Variants in NCKAP1 observed in about 807,000 individuals in gnomAD.
NCKAP1 encodes NCK associated protein 1, also known as nck-associated protein 1.
NCKAP1 carries 21 observed loss-of-function variants against 151.2 expected under a neutral mutation model. The observed-to-expected ratio is 0.14, with a 90% CI of 0.10 to 0.20. The LOEUF is 0.20. Ranked by LOEUF, NCKAP1 falls within the 10% of genes least tolerant of loss-of-function variation. NCKAP1 has a pLI of 1.00. For synonymous variants in NCKAP1, 484 were observed against 451.8 expected, an observed-to-expected ratio of 1.07 and a Z score of -0.90; for missense variants, 933 against 1,352.1, an observed-to-expected ratio of 0.69 and a Z score of 4.86.
intron 19 of NCKAP1, 54 bp from the exon 20 acceptor site, chr2:182,956,647 A>G (rs1697334083): frequency 1.3e-6 from 2 of 1,516,856 alleles, no homozygotes; most frequent in Non-Finnish European, 1.8e-6. Context: ...CAGGCAATAC[A>G]AAATTAATTT....
At chr2:182,926,761 T>G (rs947220621) in intron 30 of NCKAP1, 55 bp downstream of exon 30, 1 of 1,211,646 alleles carries the variant, frequency 8.3e-7, no homozygotes, top group Non-Finnish European at 1.2e-6. Flanking sequence ...AAGAAAAGAT[T>G]CTCAGGAACG....
At chr2:183,028,231 C>T (rs1476318888) in intron 1 of NCKAP1, among the ~76,000 whole-genome samples, 1 of 151,660 alleles carries the variant, frequency 6.6e-6, no homozygotes, top group Non-Finnish European at 1.5e-5. Flanking sequence ...AGGTATTTCA[C>T]TACACAGAAA....
chr2:183,031,891 G>T (rs1447924528), intron 1 of NCKAP1, among the ~76,000 whole-genome samples: 1 of 152,120 alleles, frequency 6.6e-6, no homozygotes, highest in East Asian at 1.9e-4. Flanking sequence ...CCATGGAGCT[G>T]GTTTTGCTAG....
chr2:182,995,640 G>T, intron 7 of NCKAP1, 61 bp downstream of exon 7: 1 of 1,489,890 alleles, frequency 6.7e-7, no homozygotes, highest in South Asian at 1.2e-5. Context: ...CAGCATTACT[G>T]AACTATTATT....
Position 182,964,819 on chromosome 2 carries a change from A to G in NCKAP1, c.1629-11T>C, listed in dbSNP as rs369223279. ...GCACGACTATAAAAACTATATAAAC[A>G]AAAATCAGAATCACAATTTTTACAT... On this transcript the variant is annotated splice_polypyrimidine_tract_variant and intron_variant, in intron 16 of 30. Transcript: ENST00000361354. 1.0e-5 allele frequency: 16 copies of G among 1,576,886 alleles called. No individual in the cohort carries two copies. The highest frequency in any genetic ancestry group is 1.3e-5 in the Non-Finnish European group (15 of 1,162,976).
At chr2:183,028,931 G>T (rs918428903) in intron 1 of NCKAP1, among the ~76,000 whole-genome samples, 5 of 142,258 alleles carry the variant, frequency 3.5e-5, no homozygotes, top group African/African-American at 1.3e-4. Context: ...AGCCAACACG[G>T]TGAAACCCCG....
chr2:182,971,863 T>C (rs749078129), intron 15 of NCKAP1, among the ~76,000 whole-genome samples: 1 of 152,004 alleles, frequency 6.6e-6, no homozygotes, highest in Non-Finnish European at 1.5e-5. Flanking sequence ...TATCCACATG[T>C]AAAGGAATGA....
chr2:182,971,806 T>C (rs1190395221), intron 15 of NCKAP1, among the ~76,000 whole-genome samples: 9 of 152,202 alleles, frequency 5.9e-5, no homozygotes, highest in East Asian at 1.9e-4. Context: ...AGAATATACA[T>C]TGGGGAAAGG....
chr2:182,931,251 C>T (rs1696756811), intron 26 of NCKAP1, among the ~76,000 whole-genome samples: 1 of 151,908 alleles, frequency 6.6e-6, no homozygotes, highest in Non-Finnish European at 1.5e-5. Flanking sequence ...AAGGAGTATT[C>T]ATTTAAAAAT....
intron 29 of NCKAP1, chr2:182,927,108 T>C (rs547889324): frequency 2.3e-6 from 1 of 437,498 alleles, no homozygotes; most frequent in South Asian, 3.5e-5. Flanking sequence ...GACACTAACA[T>C]AATAAATGTA....
rs757385534 is a variant in NCKAP1 at position 182,923,519 on chromosome 2, C to T, written c.*2183G>A. The stretch of plus-strand genomic sequence containing the variant: ...AACTCCTGACCTCAAGTGATCCATC[C>T]GCCTTGGCCTCCCAAAGTGCTGAAA... On this transcript the variant is annotated 3_prime_UTR_variant, in exon 31 of 31. Coordinates refer to ENST00000361354, the MANE Select transcript of NCKAP1 (RefSeq NM_013436.5). 1.3e-5 allele frequency: 2 copies of T among 152,198 alleles called. No individual in the cohort carries two copies. The highest frequency in any genetic ancestry group is 1.9e-4 in the East Asian group (1 of 5,180). 9.4% of individuals were successfully genotyped at this position (152,198 alleles called of 1,614,324 possible). A position where few individuals can be genotyped will look rare whatever the true frequency, so the allele number is the denominator to read the frequency against.
At position 182,921,825 on chromosome 2, in the gene NCKAP1, A is replaced by C. The variant is rs1206919126; in HGVS notation, c.*3877T>G. The C allele has an allele frequency of 1.3e-5, 2 of 151,576 alleles. No homozygotes were observed. Among genetic ancestry groups the C allele is most frequent in the Non-Finnish European group, 2.9e-5 (2 of 67,824 alleles). 9.4% of individuals were successfully genotyped at this position (151,576 alleles called of 1,614,324 possible). On this transcript the variant is annotated 3_prime_UTR_variant, in exon 31 of 31. Transcript: ENST00000361354. ...GCAAAAATGAATGAAATTTTAATACACTTAAAGTTACTTCTCACTCTGAAA... is the reference window on the plus strand; with the variant it reads ...GCAAAAATGAATGAAATTTTAATACCCTTAAAGTTACTTCTCACTCTGAAA...
At position 182,912,327 on chromosome 2, in the gene NCKAP1, A is replaced by C. The variant is rs904592889; in HGVS notation, c.*13375T>G. On this transcript the variant is annotated 3_prime_UTR_variant, in exon 31 of 31. Transcript: ENST00000361354. ...TCAACCAACTATAAACAGTTACCAC[A>C]GTTCTGTTTTTGCCAGTGCCAAAAA... 6.6e-6 allele frequency: 1 copy of C among 152,210 alleles called. No homozygotes were observed. The highest frequency in any genetic ancestry group is 2.4e-5 in the African/African-American group (1 of 41,446). 9.4% of individuals were successfully genotyped at this position (152,210 alleles called of 1,614,324 possible). A position where few individuals can be genotyped will look rare whatever the true frequency, so the allele number is the denominator to read the frequency against.
intron 20 of NCKAP1, among the ~76,000 whole-genome samples, 157 bp downstream of exon 20, chr2:182,956,305 G>A (rs1697326186): frequency 1.3e-5 from 2 of 152,206 alleles, no homozygotes; most frequent in Admixed American, 6.5e-5. Context: ...CTCCCAAAGT[G>A]CTGGGATTAT....
intron 26 of NCKAP1, among the ~76,000 whole-genome samples, chr2:182,932,850 T>G (rs189351995): frequency 2.0e-5 from 3 of 152,296 alleles, no homozygotes; most frequent in Non-Finnish European, 4.4e-5. Context: ...GTGTTTCCAC[T>G]TAGGAAATCA....
At position 182,962,177 on chromosome 2, in the gene NCKAP1, C is replaced by G. The variant is rs1428381877; in HGVS notation, c.1863G>C (p.Gln621His). Residue 621 changes from glutamine (Q) to histidine (H), a missense_variant, in exon 18 of 31, where the codon CAG becomes CAC. Coordinates refer to ENST00000361354, the MANE Select transcript of NCKAP1 (RefSeq NM_013436.5). ...RNLITDICTE[Q>H]CTLSDQLLPK... ...TCATTACCTGGTCACTAAGGGTACA[C>G]TGTTCTGTGCAAATATCAGTGATGA... 1 of 1,611,574 alleles carries G rather than the reference C, an allele frequency of 6.2e-7. No individual in the cohort carries two copies. The highest frequency in any genetic ancestry group is 1.3e-5 in the African/African-American group (1 of 74,980).
At chr2:182,995,307 G>A (rs1333285953) in intron 7 of NCKAP1, among the ~76,000 whole-genome samples, 1 of 151,978 alleles carries the variant, frequency 6.6e-6, no homozygotes, top group Admixed American at 6.6e-5. Context: ...CCATATGTGT[G>A]ACACCTATGT....
chr2:182,967,190 C>T lies in NCKAP1; in HGVS notation c.1628+26G>A, dbSNP rs369261771. ...TATCGCATACTAAAACTTTCAAATCCAGATTTAGAGAAAATTACAACATAC... is the reference window on the plus strand; with the variant it reads ...TATCGCATACTAAAACTTTCAAATCTAGATTTAGAGAAAATTACAACATAC... On this transcript the variant is annotated intron_variant, in intron 16 of 30. Transcript: ENST00000361354. 3 of 1,581,548 alleles carry T rather than the reference C, an allele frequency of 1.9e-6. No individual in the cohort carries two copies. The African/African-American group carries it at 4.1e-5, about 22-fold the overall frequency.
intron 13 of NCKAP1, among the ~76,000 whole-genome samples, chr2:182,979,328 A>G (rs1297410674): frequency 6.6e-6 from 1 of 152,090 alleles, no homozygotes. Flanking sequence ...TAGTTGCACA[A>G]ATGCATACAG....
Sources: allele counts gnomAD v4.1 joint callset (sites outside exome capture counted in the v4.1 genomes callset), GRCh38; gene constraint gnomAD v4.1.1; transcripts MANE v1.5; gene names NCBI Gene and HGNC (gene_info 2026-07-23, HGNC 2026-07-21).